ZNF618: variants seen among roughly 807,000 people sequenced by gnomAD.
ZNF618 encodes neural precursor cell expressed, developmentally down-regulated 10.
Under a neutral mutation model 103.0 loss-of-function variants are expected in ZNF618, and 34 were observed. That is an observed-to-expected ratio of 0.33 (90% confidence interval 0.25 to 0.44). ZNF618 has a LOEUF of 0.44. Among genes scored for constraint, ZNF618 ranks in the 20% least tolerant of loss-of-function variants. The pLI is 1.00. For synonymous variants in ZNF618, 551 were observed against 542.2 expected, an observed-to-expected ratio of 1.02 and a Z score of -0.23; for missense variants, 1,059 against 1,295.4, an observed-to-expected ratio of 0.82 and a Z score of 2.80.
intron 13 of ZNF618, among the ~76,000 whole-genome samples, chr9:114,038,310 C>T (rs542424325): frequency 3.7e-4 from 57 of 152,324 alleles, no homozygotes; most frequent in African/African-American, 1.3e-3. Context: ...CATTAAAATG[C>T]AAATCAGGTC....
At chr9:113,964,439 A>C (rs1225300408) in intron 1 of ZNF618, among the ~76,000 whole-genome samples, 1 of 152,124 alleles carries the variant, frequency 6.6e-6, no homozygotes, top group African/African-American at 2.4e-5. Flanking sequence ...AAAAGATTGG[A>C]GATCTAAGAG....
At chr9:114,025,291 G>T (rs1009328250) in intron 10 of ZNF618, among the ~76,000 whole-genome samples, 1 of 152,166 alleles carries the variant, frequency 6.6e-6, no homozygotes, top group Non-Finnish European at 1.5e-5. Flanking sequence ...CCTCTACCTC[G>T]TGGAAGTTTC....
chr9:113,947,078 T>C (rs980471662), intron 1 of ZNF618, among the ~76,000 whole-genome samples: 3 of 152,164 alleles, frequency 2.0e-5, no homozygotes, highest in African/African-American at 4.8e-5. Flanking sequence ...AGCACCACCA[T>C]TGACAGAAGT....
chr9:113,907,386 C>T (rs1303806834), intron 1 of ZNF618, among the ~76,000 whole-genome samples: 1 of 152,212 alleles, frequency 6.6e-6, no homozygotes, highest in Non-Finnish European at 1.5e-5. Context: ...GTTCACAGGT[C>T]TGCTTGGCCC....
chr9:113,902,792 GT>G (rs1236553506), intron 1 of ZNF618, among the ~76,000 whole-genome samples: 3 of 152,174 alleles, frequency 2.0e-5, no homozygotes, highest in African/African-American at 7.2e-5. Flanking sequence ...TCTGATGGGT[GT>G]TTTGGTGTTC....
In ZNF618 at chr9:113,998,338, A is replaced by T. The variant is rs949797092; in HGVS notation, c.417A>T (p.Ala139=). ...CAGGGACCTGGATTTTTGACCAAGC[A>T]TTGAGATATGCATCTGGTACGTGAT... ...RYSGTWIFDQ[A]LRYASGSYEC... is the part of the protein sequence containing the mutation. The change falls in exon 4 of 15, where the codon GCA becomes GCT. Residue 139 remains alanine, a synonymous_variant. Transcript: ENST00000374126. 1.9e-6 allele frequency: 3 copies of T among 1,550,522 alleles called. No homozygotes were observed. The highest frequency in any genetic ancestry group is 2.6e-6 in the Non-Finnish European group (3 of 1,146,980).
At chr9:113,899,068 T>A (rs2131197136) in intron 1 of ZNF618, among the ~76,000 whole-genome samples, 1 of 152,270 alleles carries the variant, frequency 6.6e-6, no homozygotes, top group African/African-American at 2.4e-5. Flanking sequence ...CTGTAACATC[T>A]AGCGGAAATT....
intron 1 of ZNF618, among the ~76,000 whole-genome samples, chr9:113,914,372 G>A (rs1360716874): frequency 1.3e-5 from 2 of 152,106 alleles, no homozygotes; most frequent in African/African-American, 4.8e-5. Flanking sequence ...CAGGATATAG[G>A]CACCTTGGGG....
At chr9:113,898,288 T>C (rs983126775) in intron 1 of ZNF618, among the ~76,000 whole-genome samples, 1 of 152,222 alleles carries the variant, frequency 6.6e-6, no homozygotes, top group African/African-American at 2.4e-5. Context: ...TGCTTAACTC[T>C]ATTTTTGTCA....
intron 1 of ZNF618, among the ~76,000 whole-genome samples, chr9:113,915,943 C>T (rs1009600616): frequency 2.0e-5 from 3 of 152,142 alleles, no homozygotes; most frequent in Middle Eastern, 3.2e-3. Flanking sequence ...ATTAAATATT[C>T]GTTGAGTGAA....
At chr9:113,956,133 C>T (rs1836262388) in intron 1 of ZNF618, among the ~76,000 whole-genome samples, 2 of 147,026 alleles carry the variant, frequency 1.4e-5, no homozygotes, top group Admixed American at 7.0e-5. Flanking sequence ...TGCTTGAACC[C>T]GGGAGGCAGA....
chr9:114,005,069 A>G (rs1422700905), intron 6 of ZNF618, among the ~76,000 whole-genome samples: 1 of 152,160 alleles, frequency 6.6e-6, no homozygotes, highest in Non-Finnish European at 1.5e-5. Flanking sequence ...GTGTTCCTTT[A>G]TTCTTTATTA....
chr9:113,988,543 C>T lies in ZNF618; in HGVS notation c.300C>T (p.Cys100=), dbSNP rs758082547. The part of the protein sequence containing the change: ...DGTSDVPAEI[C]VVIGGVRNQQ... The stretch of plus-strand genomic sequence containing the variant: ...CCAGCGACGTGCCTGCCGAGATCTG[C>T]GTGGTGATCGGCGGCGTCCGCAACC... The change falls in exon 3 of 15, where the codon TGC becomes TGT. Residue 100 remains cysteine (C), a synonymous_variant. Transcript: ENST00000374126. 3.5e-5 allele frequency: 56 copies of T among 1,611,466 alleles called. No individual in the cohort carries two copies. The highest frequency in any genetic ancestry group is 3.3e-4 in the East Asian group (15 of 44,854).
At chr9:113,994,627 T>A (rs374705188) in intron 3 of ZNF618, among the ~76,000 whole-genome samples, 2 of 152,154 alleles carry the variant, frequency 1.3e-5, no homozygotes, top group Non-Finnish European at 2.9e-5. Flanking sequence ...TGCCCCTCTT[T>A]CCAGTAGAAT....
chr9:113,948,766 T>C, intron 1 of ZNF618, among the ~76,000 whole-genome samples: 1 of 152,116 alleles, frequency 6.6e-6, no homozygotes, highest in Middle Eastern at 3.2e-3. Flanking sequence ...GTCCCTGATG[T>C]TGTGGTGGTG....
At chr9:113,937,166 A>C (rs972446246) in intron 1 of ZNF618, among the ~76,000 whole-genome samples, 2 of 152,244 alleles carry the variant, frequency 1.3e-5, no homozygotes, top group African/African-American at 2.4e-5. Flanking sequence ...AAGTTTTAAG[A>C]ATAAGAATAC....
chr9:114,023,693 T>G (rs1341567320), intron 10 of ZNF618, among the ~76,000 whole-genome samples: 1 of 152,164 alleles, frequency 6.6e-6, no homozygotes, highest in African/African-American at 2.4e-5. Flanking sequence ...GATGTTTTTA[T>G]TTCACATATT....
intron 6 of ZNF618, among the ~76,000 whole-genome samples, chr9:114,003,672 A>G (rs189668264): frequency 2.8e-4 from 42 of 152,350 alleles, no homozygotes; most frequent in African/African-American, 7.9e-4. Flanking sequence ...TATTGCCGGT[A>G]GAAGTCAGAA....
At position 114,025,612 on chromosome 9, in the gene ZNF618, A is replaced by G. The variant is rs182529113; in HGVS notation, c.845-3121A>G. On this transcript the variant is annotated intron_variant, in intron 10 of 14. Transcript: ENST00000374126. ...CCTGTGAGGTCAACAGAGGGAGCAC[A>G]CTGTTAAGTAGAATGAGTCAGGAGC... Among the ~76,000 whole-genome samples, 7 of 152,292 alleles carry G rather than the reference A, an allele frequency of 4.6e-5. No individual in the cohort carries two copies. In the East Asian group the frequency reaches 1.4e-3, roughly 29 times the overall value.
Sources: gnomAD v4.1 joint callset for allele counts (sites outside exome capture counted in the v4.1 genomes callset) on GRCh38, gnomAD v4.1.1 for gene constraint, MANE v1.5 for transcripts, NCBI Gene and HGNC (gene_info 2026-07-23, HGNC 2026-07-21) for gene names.